Variants in VTI1A observed in about 807,000 individuals in gnomAD.
The protein encoded by VTI1A is vesicle transport through interaction with t-SNAREs homolog 1A.
VTI1A carries 22 observed loss-of-function variants against 34.9 expected under a neutral mutation model. The ratio of observed to expected loss-of-function variants is 0.63; its 90% confidence interval spans 0.45 to 0.90. The LOEUF is 0.90. VTI1A is among the 40% of genes least tolerant of loss of function. The pLI, the probability that VTI1A is intolerant of heterozygous loss-of-function variation, is 0.00. For synonymous variants in VTI1A, 87 were observed against 97.3 expected (o/e 0.89, Z 0.62); for missense variants, 268 against 275.6 (o/e 0.97, Z 0.20).
chr10:112,665,826 C>T (rs2133830207), intron 5 of VTI1A, among the ~76,000 whole-genome samples: 1 of 152,150 alleles, frequency 6.6e-6, no homozygotes, highest in South Asian at 2.1e-4. Flanking sequence ...TCATTCTTTC[C>T]ACAGATACTT....
At chr10:112,579,131 G>C (rs1443624518) in intron 5 of VTI1A, among the ~76,000 whole-genome samples, 1 of 152,188 alleles carries the variant, frequency 6.6e-6, no homozygotes, top group Non-Finnish European at 1.5e-5. Flanking sequence ...CCGTATCCCA[G>C]TACCCTTGAT....
At chr10:112,650,278 A>G (rs1846958588) in intron 5 of VTI1A, among the ~76,000 whole-genome samples, 1 of 152,110 alleles carries the variant, frequency 6.6e-6, no homozygotes, top group Non-Finnish European at 1.5e-5. Flanking sequence ...ACAAACACAT[A>G]CATTAACCTA....
At chr10:112,731,198 G>A (rs1415173211) in intron 7 of VTI1A, among the ~76,000 whole-genome samples, 2 of 152,136 alleles carry the variant, frequency 1.3e-5, no homozygotes, top group Non-Finnish European at 2.9e-5. Context: ...CATGAAGTTA[G>A]CTACATTTTG....
At chr10:112,764,507 A>G (rs1851583847) in intron 7 of VTI1A, among the ~76,000 whole-genome samples, 1 of 150,240 alleles carries the variant, frequency 6.7e-6, no homozygotes, top group South Asian at 2.1e-4. Context: ...ATATAGAGTG[A>G]TATACTGAAA....
At chr10:112,572,441 G>T (rs1426557962) in intron 5 of VTI1A, among the ~76,000 whole-genome samples, 1 of 152,104 alleles carries the variant, frequency 6.6e-6, no homozygotes, top group Non-Finnish European at 1.5e-5. Flanking sequence ...AGTTAAAGAG[G>T]ATAGATAACA....
intron 5 of VTI1A, among the ~76,000 whole-genome samples, chr10:112,643,945 C>G (rs189395213): frequency 1.5e-4 from 22 of 151,284 alleles, no homozygotes; most frequent in African/African-American, 3.4e-4. Flanking sequence ...CCAGAAACAC[C>G]GTATATTTTA....
intron 7 of VTI1A, among the ~76,000 whole-genome samples, chr10:112,800,113 G>A (rs1291345206): frequency 6.6e-6 from 1 of 152,234 alleles, no homozygotes; most frequent in East Asian, 1.9e-4. Context: ...TGACTATTAA[G>A]TGGTAAGTAT....
intron 5 of VTI1A, among the ~76,000 whole-genome samples, chr10:112,633,723 T>C (rs1184600116): frequency 6.6e-6 from 1 of 152,232 alleles, no homozygotes; most frequent in Non-Finnish European, 1.5e-5. Flanking sequence ...CAAATTTTAT[T>C]AAATGCCTCT....
chr10:112,626,477 A>G (rs1219637081), intron 5 of VTI1A, among the ~76,000 whole-genome samples: 1 of 152,182 alleles, frequency 6.6e-6, no homozygotes, highest in Admixed American at 6.5e-5. Context: ...ATCTGTACTA[A>G]TGAAATTATA....
chr10:112,844,201 C>T, the VTI1A span, among the ~76,000 whole-genome samples: 1 of 152,206 alleles, frequency 6.6e-6, no homozygotes, highest in African/African-American at 2.4e-5. Context: ...ATACCATTCT[C>T]TGGTGCTGCT....
chr10:112,852,268 A>G, the VTI1A span, among the ~76,000 whole-genome samples: 1 of 152,060 alleles, frequency 6.6e-6, no homozygotes, highest in African/African-American at 2.4e-5. Flanking sequence ...CTACACCTCT[A>G]ATTCTTCCCC....
intron 7 of VTI1A, chr10:112,737,631 G>A (rs1850537406): frequency 3.8e-6 from 4 of 1,049,270 alleles, no homozygotes; most frequent in Non-Finnish European, 4.6e-6. Context: ...GCCTCTATGT[G>A]TGAAACACAG....
At position 112,815,985 on chromosome 10, in the gene VTI1A, ATT is replaced by A; in HGVS notation, c.*611_*612del. 2 of 217,968 alleles carry A rather than the reference ATT, an allele frequency of 9.2e-6. No homozygotes were observed. Among genetic ancestry groups the A allele is most frequent in the Non-Finnish European group, 1.8e-5 (2 of 109,292 alleles). The allele number at this position is 217,968 out of a possible 1,614,324, so 13.5% of individuals were successfully genotyped here. A position where few individuals can be genotyped will look rare whatever the true frequency, so the allele number is the denominator to read the frequency against. On this transcript the variant is annotated 3_prime_UTR_variant, in exon 8 of 8. Coordinates refer to ENST00000393077, the MANE Select transcript of VTI1A (RefSeq NM_145206.4). The stretch of plus-strand genomic sequence containing the variant: ...ACTTTCCCTGTTTTTCTATTGCATA[ATT>A]TTTTTTTTAACCCAAAGATATTTTT...
At chr10:112,597,110 G>C (rs574024069) in intron 5 of VTI1A, among the ~76,000 whole-genome samples, 1 of 152,274 alleles carries the variant, frequency 6.6e-6, no homozygotes, top group African/African-American at 2.4e-5. Flanking sequence ...AAGCAAACTT[G>C]AACTGGAGGT....
At chr10:112,745,868 C>G (rs556688141) in intron 7 of VTI1A, among the ~76,000 whole-genome samples, 83 of 152,318 alleles carry the variant, frequency 5.4e-4, no homozygotes, top group Non-Finnish European at 9.8e-4. Context: ...ACATGTGAAT[C>G]TCCTAGCAGA....
chr10:112,565,158 A>G (rs1269661247), intron 5 of VTI1A, among the ~76,000 whole-genome samples: 1 of 152,162 alleles, frequency 6.6e-6, no homozygotes, highest in Non-Finnish European at 1.5e-5. Context: ...GTACCATAAA[A>G]CAGTGGGCCT....
intron 7 of VTI1A, among the ~76,000 whole-genome samples, chr10:112,796,819 C>T (rs762686998): frequency 6.6e-6 from 1 of 152,182 alleles, no homozygotes; most frequent in African/African-American, 2.4e-5. Context: ...TACATTGATC[C>T]TTTTTTTCCC....
At chr10:112,648,425 A>T (rs145984230) in intron 5 of VTI1A, among the ~76,000 whole-genome samples, 55 of 152,328 alleles carry the variant, frequency 3.6e-4, no homozygotes, top group African/African-American at 1.3e-3. Context: ...TCATTGTCAG[A>T]TTTCTGAGAA....
At chr10:112,731,489 C>T (rs925131759) in intron 7 of VTI1A, among the ~76,000 whole-genome samples, 1 of 151,576 alleles carries the variant, frequency 6.6e-6, no homozygotes, top group African/African-American at 2.4e-5. Context: ...GCAGGAGAAT[C>T]GCTTGAACCT....
Sources: gnomAD v4.1 joint callset for allele counts (sites outside exome capture counted in the v4.1 genomes callset) on GRCh38, gnomAD v4.1.1 for gene constraint, MANE v1.5 for transcripts, NCBI Gene and HGNC (gene_info 2026-07-23, HGNC 2026-07-21) for gene names.